The following CHRM2 variants were observed in gnomAD, a reference collection of about 807,000 sequenced individuals.
CHRM2 encodes cholinergic receptor muscarinic 2.
CHRM2 carries 8 observed loss-of-function variants against 25.0 expected under a neutral mutation model. The observed-to-expected ratio is 0.32, with a 90% CI of 0.19 to 0.58. The LOEUF is 0.58. Among genes scored for constraint, CHRM2 ranks in the 20% least tolerant of loss-of-function variants. The probability of loss-of-function intolerance (pLI) is 0.88; values close to 1 mark genes in which losing one functional copy is unlikely to be tolerated. For synonymous variants in CHRM2, 202 were observed against 205.7 expected (o/e 0.98, Z 0.15); for missense variants, 440 against 567.1 (o/e 0.78, Z 2.28).
At chr7:136,977,197 G>C (rs1802159685) in intron 2 of CHRM2, among the ~76,000 whole-genome samples, 1 of 152,080 alleles carries the variant, frequency 6.6e-6, no homozygotes. Context: ...TTACCCACAT[G>C]ATTAAGATTT....
In CHRM2 at chr7:136,974,825, G is replaced by C. The variant is rs1180236769; in HGVS notation, c.-124-17362G>C. On this transcript the variant is annotated intron_variant, in intron 2 of 3. Transcript: ENST00000680005. ...ACATCACTGAGAGGTCAGAGTACAA[G>C]ATAAATGTGAGCGAATGTGACTAAA... Among the ~76,000 whole-genome samples, 4 of 152,196 alleles carry C rather than the reference G, an allele frequency of 2.6e-5. No individual in the cohort carries two copies. The East Asian group carries it at 7.7e-4, about 29-fold the overall frequency.
intron 2 of CHRM2, chr7:136,906,838 CA>C (rs1797581816): frequency 6.6e-6 from 1 of 151,402 alleles, no homozygotes; most frequent in South Asian, 2.1e-4. Flanking sequence ...GATTCAACGG[CA>C]TTACATTTAT....
chr7:136,904,258 C>T (rs1322271939), intron 2 of CHRM2, among the ~76,000 whole-genome samples: 1 of 151,702 alleles, frequency 6.6e-6, no homozygotes, highest in East Asian at 1.9e-4. Flanking sequence ...ATGGCCCTTC[C>T]TGGAAAACTT....
chr7:136,993,145 G>C (rs1803343311), intron 3 of CHRM2, among the ~76,000 whole-genome samples: 1 of 152,148 alleles, frequency 6.6e-6, no homozygotes, highest in African/African-American at 2.4e-5. Flanking sequence ...CTGGTTCATT[G>C]AGAGGTATTT....
intron 2 of CHRM2, among the ~76,000 whole-genome samples, chr7:136,931,973 A>C (rs2130782794): frequency 6.6e-6 from 1 of 152,364 alleles, no homozygotes; most frequent in South Asian, 2.1e-4. Flanking sequence ...AGGTTGCCTT[A>C]GAAACCAGCA....
chr7:136,949,123 G>T (rs1769571112), intron 2 of CHRM2, among the ~76,000 whole-genome samples: 1 of 152,068 alleles, frequency 6.6e-6, no homozygotes, highest in South Asian at 2.1e-4. Flanking sequence ...TTTCTTAGTG[G>T]CTCATTGCAA....
At chr7:136,958,122 C>T (rs1584823677) in intron 2 of CHRM2, among the ~76,000 whole-genome samples, 1 of 152,084 alleles carries the variant, frequency 6.6e-6, no homozygotes, top group South Asian at 2.1e-4. Context: ...AAATTATTAC[C>T]AGCACATTTT....
chr7:136,904,338 G>T (rs1181525109), intron 2 of CHRM2, among the ~76,000 whole-genome samples: 1 of 151,666 alleles, frequency 6.6e-6, no homozygotes, highest in South Asian at 2.1e-4. Flanking sequence ...TAAGTCACTT[G>T]CCTATTCACA....
chr7:136,933,572 T>C (rs11981061), intron 2 of CHRM2, among the ~76,000 whole-genome samples: 38,687 of 152,140 alleles, frequency 0.25, 5,913 homozygotes, highest in Non-Finnish European at 0.35. Context: ...TCAACAATTC[T>C]CCTTCTAGTA....
At chr7:136,891,288 C>T (rs1796681447) in intron 2 of CHRM2, among the ~76,000 whole-genome samples, 1 of 152,174 alleles carries the variant, frequency 6.6e-6, no homozygotes. Context: ...GTCGCCATGT[C>T]TCTTTCCTGA....
chr7:136,978,613 C>G (rs559771254), intron 2 of CHRM2, among the ~76,000 whole-genome samples: 259 of 152,188 alleles, frequency 1.7e-3, no homozygotes, highest in African/African-American at 5.9e-3. Flanking sequence ...ACCCACACCC[C>G]CCGACAGGCC....
intron 3 of CHRM2, among the ~76,000 whole-genome samples, chr7:137,005,199 G>T (rs563288200): frequency 1.2e-3 from 188 of 152,186 alleles, no homozygotes; most frequent in African/African-American, 4.4e-3. Flanking sequence ...TGTGTTTTAA[G>T]AGGCGATGAC....
chr7:137,006,757 T>C lies in CHRM2; in HGVS notation c.-46-8063T>C, dbSNP rs1023556202. ...AGTATGTGTTTGGTGTGGCCTTTTT[T>C]TTCCCCCAAAACGTTGTACATAATG... On this transcript the variant is annotated intron_variant, in intron 3 of 3. Transcript: ENST00000680005. 7.9e-5 allele frequency among the ~76,000 whole-genome samples: 12 copies of C among 152,084 alleles called. 1 individual carries two copies. Among genetic ancestry groups the C allele is most frequent in the African/African-American group, 2.9e-4 (12 of 41,440 alleles).
intron 2 of CHRM2, among the ~76,000 whole-genome samples, chr7:136,919,124 T>G (rs574211531): frequency 6.6e-6 from 1 of 152,210 alleles, no homozygotes; most frequent in South Asian, 2.1e-4. Flanking sequence ...TGTTATAATA[T>G]TTTATCTTTC....
intron 2 of CHRM2, among the ~76,000 whole-genome samples, chr7:136,981,743 T>C (rs887723926): frequency 2.6e-5 from 4 of 152,202 alleles, no homozygotes; most frequent in African/African-American, 4.8e-5. Flanking sequence ...TCAGTTTCCA[T>C]GTAGTCGTGT....
chr7:136,987,004 G>A (rs913181945), intron 2 of CHRM2, among the ~76,000 whole-genome samples: 4 of 152,102 alleles, frequency 2.6e-5, no homozygotes, highest in African/African-American at 9.7e-5. Flanking sequence ...AAACAGAAAC[G>A]AACAGGCAAA....
intron 2 of CHRM2, among the ~76,000 whole-genome samples, chr7:136,940,933 A>C (rs1446333470): frequency 1.3e-5 from 2 of 152,190 alleles, no homozygotes; most frequent in African/African-American, 4.8e-5. Context: ...AGCAGTGACC[A>C]AGTAAAAGCA....
chr7:136,874,174 G>A lies in CHRM2; in HGVS notation c.-125+4756G>A, dbSNP rs1431271076. ...AGTTCTCTTTTTCTATAAGATTGTT[G>A]GCACTTAAGATTCTGAATTTCAATG... On this transcript the variant is annotated intron_variant, in intron 2 of 3. Transcript: ENST00000680005. Among the ~76,000 whole-genome samples the A allele has an allele frequency of 2.0e-5, 3 of 151,890 alleles. No individual in the cohort carries two copies. The East Asian group carries it at 5.8e-4, about 29-fold the overall frequency.
At chr7:136,959,179 T>G (rs920793740) in intron 2 of CHRM2, among the ~76,000 whole-genome samples, 3 of 152,212 alleles carry the variant, frequency 2.0e-5, no homozygotes, top group Non-Finnish European at 2.9e-5. Context: ...TCTAGATACA[T>G]CCTTCAATTA....
Sources: allele counts gnomAD v4.1 joint callset (sites outside exome capture counted in the v4.1 genomes callset), GRCh38; gene constraint gnomAD v4.1.1; transcripts MANE v1.5; gene names NCBI Gene and HGNC (gene_info 2026-07-23, HGNC 2026-07-21).